TRPV6: variants seen among roughly 807,000 people sequenced by gnomAD.
TRPV6 encodes the protein Alu-binding protein with zinc finger domain.
In TRPV6, 39 loss-of-function variants were observed where a neutral mutation model predicts 79.0. That is an observed-to-expected ratio of 0.49 (90% confidence interval 0.38 to 0.64). The LOEUF (loss-of-function observed/expected upper bound fraction) is 0.64. Among genes scored for constraint, TRPV6 ranks in the 30% least tolerant of loss-of-function variants. TRPV6 has a pLI of 0.00. For synonymous variants in TRPV6, 373 were observed against 391.9 expected (o/e 0.95, Z 0.57); for missense variants, 813 against 1,011.1 (o/e 0.80, Z 2.66).
At position 142,885,196 on chromosome 7, in the gene TRPV6, A is replaced by G. The variant is rs1050936652; in HGVS notation, c.248+193T>C. 12 of 555,104 alleles carry G rather than the reference A, an allele frequency of 2.2e-5. No individual in the cohort carries two copies. In the African/African-American group the frequency reaches 2.3e-4, roughly 11 times the overall value. 34.4% of individuals were successfully genotyped at this position (555,104 alleles called of 1,614,324 possible). On this transcript the variant is annotated intron_variant, in intron 1 of 14. Transcript: ENST00000359396. ...GATAGTGAACACCTGTGCCCATCTC[A>G]ACCCCATCCTCTTTCACCAGCCCTA...
chr7:142,875,251 G>T (rs1281386637), intron 8 of TRPV6, 87 bp from the exon 9 acceptor site: 2 of 1,485,532 alleles, frequency 1.3e-6, no homozygotes, highest in African/African-American at 1.4e-5. Context: ...ACCAGTCTTA[G>T]CAGATTCTTT....
At chr7:142,872,219 G>A (rs527832950) in intron 14 of TRPV6, among the ~76,000 whole-genome samples, 153 bp downstream of exon 14, 77 of 152,292 alleles carry the variant, frequency 5.1e-4, no homozygotes, top group South Asian at 4.1e-4. Context: ...AGCTCCAAAC[G>A]GGACCCCTTC....
intron 5 of TRPV6, 72 bp from the exon 6 acceptor site, chr7:142,876,655 C>T: frequency 6.2e-7 from 1 of 1,612,308 alleles, no homozygotes; most frequent in Middle Eastern, 1.7e-4. Flanking sequence ...ACCCTGAGGT[C>T]TTCCTGAAGG....
chr7:142,873,951 C>G lies in TRPV6; in HGVS notation c.1639+125G>C. 1 of 1,218,380 alleles carries G rather than the reference C, an allele frequency of 8.2e-7. No individual in the cohort carries two copies. The highest frequency in any genetic ancestry group is 1.2e-6 in the Non-Finnish European group (1 of 848,444). 75.5% of individuals were successfully genotyped at this position (1,218,380 alleles called of 1,614,324 possible). On this transcript the variant is annotated intron_variant, in intron 12 of 14. Coordinates refer to ENST00000359396, the MANE Select transcript of TRPV6 (RefSeq NM_018646.6). This position sits in a 1 kb window ranked among gnomAD's most constrained non-coding sequence, Gnocchi z 4.8. Reference sequence around the variant, plus strand: ...TCACCTCTGGAGGACGTCCCATCCTCTGATACCATAGGTCTCCTCTGATCT... The same window carrying G: ...TCACCTCTGGAGGACGTCCCATCCTGTGATACCATAGGTCTCCTCTGATCT...
At chr7:142,883,132 G>A (rs1795226976) in intron 1 of TRPV6, 1 of 152,192 alleles carries the variant, frequency 6.6e-6, no homozygotes, top group Non-Finnish European at 1.5e-5. Context: ...CTGCAGAAAG[G>A]TGGAGTGCCT....
rs1326928025 is a variant in TRPV6, at chr7:142,874,527, G to GA, written c.1535dup (p.Gln513ProfsTer116). 6.2e-7 allele frequency: 1 copy of GA among 1,614,054 alleles called. No individual in the cohort carries two copies. The highest frequency in any genetic ancestry group is 8.5e-7 in the Non-Finnish European group (1 of 1,180,020). Reference sequence around the variant, plus strand: ...TGATGGTGAAGGGGCCTAGCATCTGGAATCCTCGGGCGAAGTACATGACGT... The same window carrying GA: ...TGATGGTGAAGGGGCCTAGCATCTGGAAATCCTCGGGCGAAGTACATGACGT... On this transcript the variant is annotated frameshift_variant, in exon 11 of 15. Coordinates refer to ENST00000359396, the MANE Select transcript of TRPV6 (RefSeq NM_018646.6). LOFTEE classifies it high-confidence loss of function.
chr7:142,878,339 A>T (rs1242503025), intron 1 of TRPV6: 2 of 417,952 alleles, frequency 4.8e-6, no homozygotes, highest in Non-Finnish European at 8.9e-6. Context: ...TACGGAGGGG[A>T]GGAGTTCTAT....
At chr7:142,877,832 T>TA in intron 2 of TRPV6, 59 bp from the exon 3 acceptor site, 1 of 1,613,178 alleles carries the variant, frequency 6.2e-7, no homozygotes, top group Non-Finnish European at 8.5e-7. Flanking sequence ...TTGGAGACGA[T>TA]AGATTCAGAG....
At chr7:142,874,434 C>T (rs1416518270) in intron 11 of TRPV6, 57 bp downstream of exon 11, 20 of 1,603,164 alleles carry the variant, frequency 1.2e-5, no homozygotes, top group Admixed American at 5.0e-5. Context: ...TTTATGGGAC[C>T]GTCTGCTGAC....
At position 142,872,497 on chromosome 7, in the gene TRPV6, G is replaced by A; in HGVS notation, c.1909-19C>T. ...CCACAATCTGCGTATGGGAACAAAA[G>A]GAGAAGTCAGAGATGAGGCTGGGCG... On this transcript the variant is annotated intron_variant, in intron 13 of 14. Coordinates refer to ENST00000359396, the MANE Select transcript of TRPV6 (RefSeq NM_018646.6). The A allele has an allele frequency of 6.2e-7, 1 of 1,605,234 alleles. No homozygotes were observed. Among genetic ancestry groups the A allele is most frequent in the Non-Finnish European group, 8.5e-7 (1 of 1,175,782 alleles).
Position 142,875,880 on chromosome 7 carries a change from G to C in TRPV6, c.907C>G (p.Arg303Gly). 1 of 1,591,654 alleles carries C rather than the reference G, an allele frequency of 6.3e-7. No individual in the cohort carries two copies. Among genetic ancestry groups the C allele is most frequent in the South Asian group, 1.1e-5 (1 of 87,478 alleles). ...CCATACGTCCACTGGGTGTGCTTCCGCTTCTGCATCAGGTGCTGAAACATC... is the reference window on the plus strand; with the variant it reads ...CCATACGTCCACTGGGTGTGCTTCCCCTTCTGCATCAGGTGCTGAAACATC... Residue 303 changes from arginine to glycine, a missense_variant, in exon 7 of 15, where the codon CGG (arginine) becomes GGG (glycine). Transcript: ENST00000359396.
intron 1 of TRPV6, 27 bp from the exon 2 acceptor site, chr7:142,878,053 G>C (rs752042175): frequency 2.5e-6 from 4 of 1,593,108 alleles, no homozygotes. Flanking sequence ...TAGGAAAGCT[G>C]GAAACAGTGA....
In TRPV6 at chr7:142,877,682, G is replaced by A; in HGVS notation, c.438C>T (p.Val146=). The A allele has an allele frequency of 6.2e-7, 1 of 1,614,186 alleles. No homozygotes were observed. The highest frequency in any genetic ancestry group is 8.5e-7 in the Non-Finnish European group (1 of 1,180,022). The change falls in exon 3 of 15, where the codon GTC becomes GTT. Residue 146 remains valine, a synonymous_variant. Transcript: ENST00000359396. ...AGAGCTCAGATGTCATGGGCTCAAA[G>A]ACCAGCTCCGGGGCAGCCTCCATCA...
intron 1 of TRPV6, chr7:142,884,314 G>T (rs1415820701): frequency 6.6e-6 from 1 of 152,344 alleles, no homozygotes; most frequent in Non-Finnish European, 1.5e-5. Flanking sequence ...AAACACAGGG[G>T]CCTCCAGGCA....
In TRPV6 at chr7:142,883,784, G is replaced by A. The variant is rs561238557; in HGVS notation, c.248+1605C>T. 4.6e-5 allele frequency: 7 copies of A among 152,346 alleles called. No individual in the cohort carries two copies. In the East Asian group the frequency reaches 1.3e-3, roughly 29 times the overall value. The allele number at this position is 152,346 out of a possible 1,614,324, so 9.4% of individuals were successfully genotyped here. ...CACCCAAAGAAGAGTCATTGCTCTG[G>A]ACACCTGATATCCAGCAAGAAGAAG... On this transcript the variant is annotated intron_variant, in intron 1 of 14. Transcript: ENST00000359396.
At chr7:142,878,275 G>T in intron 1 of TRPV6, 1 of 557,884 alleles carries the variant, frequency 1.8e-6, no homozygotes, top group Non-Finnish European at 3.2e-6. Flanking sequence ...CCCCCCTACC[G>T]GGTCCTGGGA....
chr7:142,875,623 G>T lies in TRPV6; in HGVS notation c.1087C>A (p.Arg363=), dbSNP rs375745559. The T allele has an allele frequency of 1.2e-6, 2 of 1,613,766 alleles. No homozygotes were observed. The highest frequency in any genetic ancestry group is 8.5e-7 in the Non-Finnish European group (1 of 1,179,942). Residue 363 remains arginine, a synonymous_variant, in exon 8 of 15, where the codon CGG becomes AGG. Coordinates refer to ENST00000359396, the MANE Select transcript of TRPV6 (RefSeq NM_018646.6). The stretch of plus-strand genomic sequence containing the variant: ...ATGCAGAAGTACGGCCGCCCGTACC[G>T]CTTCCACTTGAGGCTCACCAGCTCC...
Position 142,871,638 on chromosome 7 carries a change from G to GT in TRPV6, c.*68dup, listed in dbSNP as rs1794932359. ...GGGAGATGAGACCTCTGGGTGTTTG[G>GT]TTTTTGTTTTGTTTGATGCACCCAG... is the stretch of plus-strand genomic sequence containing the variant. On this transcript the variant is annotated 3_prime_UTR_variant, in exon 15 of 15. Coordinates refer to ENST00000359396, the MANE Select transcript of TRPV6 (RefSeq NM_018646.6). 6.6e-7 allele frequency: 1 copy of GT among 1,526,056 alleles called. No individual in the cohort carries two copies. Among genetic ancestry groups the GT allele is most frequent in the Non-Finnish European group, 8.8e-7 (1 of 1,134,448 alleles). 94.5% of individuals were successfully genotyped at this position (1,526,056 alleles called of 1,614,324 possible).
rs374575195 is a variant in TRPV6 at position 142,874,091 on chromosome 7, G to A, written c.1624C>T (p.Leu542=). 3 of 1,613,688 alleles carry A rather than the reference G, an allele frequency of 1.9e-6. No individual in the cohort carries two copies. The highest frequency in any genetic ancestry group is 2.5e-6 in the Non-Finnish European group (3 of 1,179,886). The change falls in exon 12 of 15, where the codon CTG becomes TTG. Residue 542 remains leucine, a synonymous_variant. Coordinates refer to ENST00000359396, the MANE Select transcript of TRPV6 (RefSeq NM_018646.6). ...AGATGATTACCTGAAGCAAAGCCCA[G>A]GATGACCACAGCCATCAGCCAGCAG...
Sources: allele counts gnomAD v4.1 joint callset (sites outside exome capture counted in the v4.1 genomes callset), GRCh38; gene constraint gnomAD v4.1.1; non-coding constraint Gnocchi (gnomAD v3.1); transcripts MANE v1.5; gene names NCBI Gene and HGNC (gene_info 2026-07-23, HGNC 2026-07-21).